MAGI1: variants seen among roughly 807,000 people sequenced by gnomAD.
The protein encoded by MAGI1 is membrane-associated guanylate kinase, WW and PDZ domain-containing protein 1.
In MAGI1, 58 loss-of-function variants were observed where a neutral mutation model predicts 139.9. The observed-to-expected ratio is 0.41, with a 90% CI of 0.34 to 0.52. The LOEUF is 0.52. Ranked by LOEUF, MAGI1 falls within the 20% of genes least tolerant of loss-of-function variation. The probability of loss-of-function intolerance (pLI) is 0.12; values close to 1 mark genes in which losing one functional copy is unlikely to be tolerated. For missense variants in MAGI1, 1,874 were observed against 1,901.6 expected (o/e 0.99, Z 0.27); for synonymous variants, 812 against 737.9 (o/e 1.10, Z -1.63).
At chr3:65,841,453 GTTT>G (rs56049843) in intron 1 of MAGI1, among the ~76,000 whole-genome samples, 2 of 147,410 alleles carry the variant, frequency 1.4e-5, no homozygotes, top group Non-Finnish European at 3.0e-5. Flanking sequence ...TTTTGTTTTT[GTTT>G]TTTTTTTGAG....
At chr3:65,763,642 G>A (rs1301097171) in intron 1 of MAGI1, among the ~76,000 whole-genome samples, 1 of 151,536 alleles carries the variant, frequency 6.6e-6, no homozygotes, top group East Asian at 1.9e-4. Flanking sequence ...AACCCAGACT[G>A]TCTGAATGGG....
At chr3:65,448,709 C>T in intron 6 of MAGI1, among the ~76,000 whole-genome samples, 1 of 151,806 alleles carries the variant, frequency 6.6e-6, no homozygotes, top group Non-Finnish European at 1.5e-5. Context: ...CACACACACA[C>T]ACACACACAC....
At chr3:65,901,891 A>G (rs1431849165) in intron 1 of MAGI1, among the ~76,000 whole-genome samples, 1 of 152,096 alleles carries the variant, frequency 6.6e-6, no homozygotes, top group East Asian at 1.9e-4. Context: ...ATTTTGCTGC[A>G]GAAAATACTT....
At position 65,892,036 on chromosome 3, in the gene MAGI1, A is replaced by T. The variant is rs114136139; in HGVS notation, c.313+145960T>A. 5.3e-3 allele frequency among the ~76,000 whole-genome samples: 796 copies of T among 150,112 alleles called. 8 individuals carry two copies. The highest frequency in any genetic ancestry group is 0.013 in the African/African-American group (549 of 40,890). ...TACACCCCCTCCCATATTGTTCTAA[A>T]TAGATACTTTATACAGAAAACTCAT... is the stretch of plus-strand genomic sequence containing the variant. On this transcript the variant is annotated intron_variant, in intron 1 of 22. Coordinates refer to ENST00000402939, the MANE Select transcript of MAGI1 (RefSeq NM_001033057.2).
chr3:65,900,262 A>G (rs1346344706), intron 1 of MAGI1, among the ~76,000 whole-genome samples: 3 of 152,124 alleles, frequency 2.0e-5, no homozygotes, highest in Non-Finnish European at 4.4e-5. Context: ...CCCATCCATC[A>G]CCCAGGACAT....
chr3:65,533,754 C>T (rs1272537957), intron 2 of MAGI1, among the ~76,000 whole-genome samples: 1 of 152,116 alleles, frequency 6.6e-6, no homozygotes, highest in Non-Finnish European at 1.5e-5. Flanking sequence ...TCTATCAAAA[C>T]ATTCTCTGAG....
At chr3:65,856,755 G>C (rs902289817) in intron 1 of MAGI1, among the ~76,000 whole-genome samples, 1 of 152,178 alleles carries the variant, frequency 6.6e-6, no homozygotes, top group Admixed American at 6.5e-5. Flanking sequence ...GAAGTTGGGA[G>C]CTGATGGTCT....
At chr3:65,605,742 A>C (rs2082708763) in intron 2 of MAGI1, among the ~76,000 whole-genome samples, 1 of 152,226 alleles carries the variant, frequency 6.6e-6, no homozygotes, top group South Asian at 2.1e-4. Context: ...ATATTAGTAA[A>C]GTATACATTG....
chr3:65,841,612 G>C (rs1480008886), intron 1 of MAGI1, among the ~76,000 whole-genome samples: 2 of 151,898 alleles, frequency 1.3e-5, no homozygotes, highest in Non-Finnish European at 2.9e-5. Flanking sequence ...ATTTTGAGTA[G>C]AGACGAGGTT....
chr3:66,002,565 G>T (rs903058839), intron 1 of MAGI1, among the ~76,000 whole-genome samples: 40 of 151,966 alleles, frequency 2.6e-4, no homozygotes, highest in African/African-American at 8.9e-4. Flanking sequence ...TCCCAGGCTG[G>T]AGTACAGTGG....
intron 1 of MAGI1, among the ~76,000 whole-genome samples, chr3:66,015,440 T>C (rs1205642159): frequency 6.6e-6 from 1 of 151,998 alleles, no homozygotes; most frequent in Non-Finnish European, 1.5e-5. Context: ...TTCCCAACTT[T>C]GCCTACCATT....
chr3:65,804,284 A>AG (rs2040701601), intron 1 of MAGI1, among the ~76,000 whole-genome samples: 1 of 151,916 alleles, frequency 6.6e-6, no homozygotes, highest in African/African-American at 2.4e-5. Flanking sequence ...AAAAAAAAAA[A>AG]AAAACACACA....
chr3:66,012,463 C>A (rs1447588128), intron 1 of MAGI1, among the ~76,000 whole-genome samples: 1 of 152,010 alleles, frequency 6.6e-6, no homozygotes, highest in East Asian at 1.9e-4. Context: ...TCAGTAATAA[C>A]TAGCTAATTT....
rs140106817 is a variant in MAGI1, at chr3:65,545,361, A to C, written c.431-51730T>G. 3.3e-4 allele frequency among the ~76,000 whole-genome samples: 51 copies of C among 152,360 alleles called. 1 individual carries two copies. In the East Asian group the frequency reaches 9.7e-3, roughly 29 times the overall value. ...ATGTGGTGTATATATGATATTAAAA[A>C]GGTAACATTTTAAAAATGTATATAC... On this transcript the variant is annotated intron_variant, in intron 2 of 22. Coordinates refer to ENST00000402939, the MANE Select transcript of MAGI1 (RefSeq NM_001033057.2).
At chr3:65,828,336 G>A (rs1351334446) in intron 1 of MAGI1, among the ~76,000 whole-genome samples, 2 of 152,186 alleles carry the variant, frequency 1.3e-5, no homozygotes, top group Admixed American at 1.3e-4. Flanking sequence ...GGAGGAAGGA[G>A]AAGGTCTATC....
intron 3 of MAGI1, among the ~76,000 whole-genome samples, chr3:65,489,791 G>C (rs1465611687): frequency 6.6e-6 from 1 of 152,210 alleles, no homozygotes; most frequent in African/African-American, 2.4e-5. Context: ...ATTTGCACTA[G>C]CATCTTTAAT....
At position 65,381,954 on chromosome 3, in the gene MAGI1, A is replaced by T; in HGVS notation, c.2624T>A (p.Leu875His). 1 of 1,614,166 alleles carries T rather than the reference A, an allele frequency of 6.2e-7. No individual in the cohort carries two copies. Among genetic ancestry groups the T allele is most frequent in the Non-Finnish European group, 8.5e-7 (1 of 1,180,018 alleles). ...AGCTTGTTGCATAAGCTGGACCACA[A>T]GCTGGTGTGATTTTCCAATTACTGG... ...GTPVIGKSHQ[L>H]VVQLMQQAAK... is the part of the protein sequence containing the mutation. Residue 875 changes from leucine (L) to histidine (H), a missense_variant, in exon 16 of 23, where the codon CTT becomes CAT. By Grantham distance (99) the Leu-to-His change is moderately conservative. Around this residue, in one of 5 missense-constraint regions of MAGI1, gnomAD observed 482 missense variants for 509.6 expected, o/e 0.95. Coordinates refer to ENST00000402939, the MANE Select transcript of MAGI1 (RefSeq NM_001033057.2).
At chr3:65,546,245 A>G (rs2079503725) in intron 2 of MAGI1, among the ~76,000 whole-genome samples, 1 of 152,180 alleles carries the variant, frequency 6.6e-6, no homozygotes, top group Non-Finnish European at 1.5e-5. Flanking sequence ...AACCACTAAA[A>G]AAGCAGTCAA....
intron 1 of MAGI1, among the ~76,000 whole-genome samples, chr3:65,944,410 C>T (rs935073922): frequency 2.0e-5 from 3 of 151,756 alleles, no homozygotes; most frequent in Non-Finnish European, 4.4e-5. Flanking sequence ...CCTAGCTGCT[C>T]GAGAGGCTGA....
Sources: gnomAD v4.1 joint callset for allele counts (sites outside exome capture counted in the v4.1 genomes callset) on GRCh38, gnomAD v4.1.1 for gene constraint, gnomAD v4.1.1 regional missense constraint, MANE v1.5 for transcripts, NCBI Gene and HGNC (gene_info 2026-07-23, HGNC 2026-07-21) for gene names.